Variants in MRTO4 observed in about 807,000 individuals in gnomAD.
The protein encoded by MRTO4 is mRNA turnover protein 4 homolog.
In MRTO4, 7 loss-of-function variants were observed where a neutral mutation model predicts 28.6. The observed-to-expected ratio is 0.24, with a 90% CI of 0.14 to 0.46. The LOEUF (loss-of-function observed/expected upper bound fraction) is 0.46, where lower values mean the gene tolerates loss of function less well. Ranked by LOEUF, MRTO4 falls within the 20% of genes least tolerant of loss-of-function variation. The pLI, the probability that MRTO4 is intolerant of heterozygous loss-of-function variation, is 0.99. For synonymous variants in MRTO4, 113 were observed against 108.2 expected (o/e 1.04, Z -0.27); for missense variants, 302 against 298.3 (o/e 1.01, Z -0.09).
Position 19,251,812 on chromosome 1 carries a change from T to G in MRTO4, c.-24T>G, listed in dbSNP as rs1224073824. The G allele has an allele frequency of 1.3e-6, 2 of 1,565,616 alleles. No individual in the cohort carries two copies. The highest frequency in any genetic ancestry group is 1.2e-5 in the South Asian group (1 of 85,182). On this transcript the variant is annotated 5_prime_UTR_variant, in exon 1 of 8. Coordinates refer to ENST00000330263, the MANE Select transcript of MRTO4 (RefSeq NM_016183.4). ...GGGGTCCTAACGGGGTGCACCGTCT[T>G]CCGCCGCACGTGGATTCAGCGCGAT...
chr1:19,257,436 C>A lies in MRTO4; in HGVS notation c.274-18C>A. 1 of 1,614,104 alleles carries A rather than the reference C, an allele frequency of 6.2e-7. No homozygotes were observed. Among genetic ancestry groups the A allele is most frequent in the Non-Finnish European group, 8.5e-7 (1 of 1,179,938 alleles). On this transcript the variant is annotated intron_variant, in intron 4 of 7. Transcript: ENST00000330263. Reference sequence around the variant, plus strand: ...ACTGCTCTAATGTGACCAAGCTGTCCTCACTCCTGATTTGTAGGTCAGCAA... The same window carrying A: ...ACTGCTCTAATGTGACCAAGCTGTCATCACTCCTGATTTGTAGGTCAGCAA...
Position 19,257,445 on chromosome 1 carries a change from G to C in MRTO4, c.274-9G>C. 1.9e-6 allele frequency: 3 copies of C among 1,614,196 alleles called. No individual in the cohort carries two copies. The highest frequency in any genetic ancestry group is 2.5e-6 in the Non-Finnish European group (3 of 1,180,012). On this transcript the variant is annotated splice_polypyrimidine_tract_variant and intron_variant, in intron 4 of 7. Transcript: ENST00000330263. ...ATGTGACCAAGCTGTCCTCACTCCT[G>C]ATTTGTAGGTCAGCAAAAGGTTGAG...
In MRTO4 at chr1:19,255,940, T is replaced by C; in HGVS notation, c.88-8T>C. 1.2e-6 allele frequency: 2 copies of C among 1,613,050 alleles called. No individual in the cohort carries two copies. Among genetic ancestry groups the C allele is most frequent in the African/African-American group, 2.7e-5 (2 of 74,980 alleles). ...CTTGAACTCAGAGCCTCGTGAATTG[T>C]CCCACAGCTTCGGAAATGTGTGGAC... On this transcript the variant is annotated splice_polypyrimidine_tract_variant and splice_region_variant and intron_variant, in intron 2 of 7. Coordinates refer to ENST00000330263, the MANE Select transcript of MRTO4 (RefSeq NM_016183.4).
At chr1:19,257,294 C>T in intron 4 of MRTO4, 149 bp downstream of exon 4, 1 of 1,200,400 alleles carries the variant, frequency 8.3e-7, no homozygotes, top group South Asian at 1.3e-5. Flanking sequence ...CCCTTCACCT[C>T]CGGACCCAAG....
chr1:19,257,711 G>C, intron 5 of MRTO4, 122 bp from the exon 6 acceptor site: 2 of 1,431,108 alleles, frequency 1.4e-6, no homozygotes, highest in Non-Finnish European at 1.9e-6. Context: ...CTGGCTGCTG[G>C]CCAGCAGCCA....
chr1:19,256,658 G>C (rs1036048810), intron 3 of MRTO4, among the ~76,000 whole-genome samples: 1 of 152,204 alleles, frequency 6.6e-6, no homozygotes, highest in Non-Finnish European at 1.5e-5. Context: ...GTTTTAGAAT[G>C]TCAGTAGGGA....
Position 19,256,493 on chromosome 1 carries a change from G to A in MRTO4, c.191+442G>A, listed in dbSNP as rs187238859. Among the ~76,000 whole-genome samples the A allele has an allele frequency of 3.4e-3, 493 of 145,232 alleles. 3 individuals are homozygous for A. Among genetic ancestry groups the A allele is most frequent in the African/African-American group, 0.011 (388 of 35,670 alleles). On this transcript the variant is annotated intron_variant, in intron 3 of 7. Coordinates refer to ENST00000330263, the MANE Select transcript of MRTO4 (RefSeq NM_016183.4). ...ATTGCACCATCGCACTCCAGCCTGG[G>A]TGACAGAGTGAAACTCCACCTCAAA...
Position 19,259,615 on chromosome 1 carries a change from G to A in MRTO4, c.*785G>A, listed in dbSNP as rs2093677355. The A allele has an allele frequency of 6.6e-6, 1 of 152,290 alleles. No homozygotes were observed. Among genetic ancestry groups the A allele is most frequent in the Admixed American group, 6.5e-5 (1 of 15,284 alleles). The allele number at this position is 152,290 out of a possible 1,614,324, so 9.4% of individuals were successfully genotyped here. On this transcript the variant is annotated 3_prime_UTR_variant, in exon 8 of 8. Coordinates refer to ENST00000330263, the MANE Select transcript of MRTO4 (RefSeq NM_016183.4). ...CCTTGTCAGCCAACTTCCACTGGCT[G>A]CCTTGGCACTGCCATGACAGCACAG...
At chr1:19,252,609 G>A (rs2093663824) in intron 1 of MRTO4, among the ~76,000 whole-genome samples, 1 of 151,926 alleles carries the variant, frequency 6.6e-6, no homozygotes, top group South Asian at 2.1e-4. Context: ...TGAGGCGGGA[G>A]AATCGCTTGA....
In MRTO4 at chr1:19,257,004, C is replaced by T; in HGVS notation, c.192-60C>T. 1.9e-6 allele frequency: 3 copies of T among 1,549,398 alleles called. No homozygotes were observed. The Admixed American group carries it at 5.1e-5, about 26-fold the overall frequency. ...GGGACCGGAGCTACTTTGCATGTTG[C>T]TGAGGGATGGGGAGGGCAGGGCTCT... is the stretch of plus-strand genomic sequence containing the variant. On this transcript the variant is annotated intron_variant, in intron 3 of 7. Coordinates refer to ENST00000330263, the MANE Select transcript of MRTO4 (RefSeq NM_016183.4).
intron 5 of MRTO4, 139 bp from the exon 6 acceptor site, chr1:19,257,694 C>A: frequency 7.3e-7 from 1 of 1,373,378 alleles, no homozygotes. Context: ...CAGCATGGTG[C>A]TCTGGGCTGG....
At chr1:19,257,557 GT>G in intron 5 of MRTO4, 36 bp downstream of exon 5, 1 of 1,610,666 alleles carries the variant, frequency 6.2e-7, no homozygotes, top group Non-Finnish European at 8.5e-7. Context: ...AAAGAGGCGG[GT>G]GAGAGGGGAT....
intron 2 of MRTO4, among the ~76,000 whole-genome samples, chr1:19,255,427 A>C (rs1569596572): frequency 6.7e-6 from 1 of 148,336 alleles, no homozygotes; most frequent in East Asian, 2.0e-4. Flanking sequence ...AAGAGCTGGG[A>C]GATTTACCAG....
intron 1 of MRTO4, among the ~76,000 whole-genome samples, chr1:19,253,150 G>A (rs1569592574): frequency 1.3e-5 from 2 of 152,224 alleles, no homozygotes; most frequent in Admixed American, 1.3e-4. Context: ...GATTGAAAAT[G>A]GGGTGAAGAG....
chr1:19,257,224 C>T, intron 4 of MRTO4, 79 bp downstream of exon 4: 1 of 1,471,716 alleles, frequency 6.8e-7, no homozygotes, highest in Admixed American at 1.8e-5. Context: ...CAGCCTCCCC[C>T]AGCCATTGGC....
intron 3 of MRTO4, among the ~76,000 whole-genome samples, 153 bp from the exon 4 acceptor site, chr1:19,256,908 CGTG>C (rs1376598263): frequency 2.0e-5 from 3 of 152,142 alleles, no homozygotes; most frequent in Non-Finnish European, 4.4e-5. Context: ...GGGACCCCAA[CGTG>C]GGGACAGTGT....
intron 5 of MRTO4, 31 bp from the exon 6 acceptor site, chr1:19,257,802 A>G (rs377724711): frequency 6.2e-7 from 1 of 1,608,358 alleles, no homozygotes; most frequent in African/African-American, 1.3e-5. Flanking sequence ...GGCCAGGAGC[A>G]TCTCCTCCTA....
chr1:19,252,005 G>GA, intron 1 of MRTO4, 142 bp downstream of exon 1: 1 of 1,239,152 alleles, frequency 8.1e-7, no homozygotes, highest in Non-Finnish European at 1.1e-6. Flanking sequence ...CTGCGAGCTG[G>GA]AATGGGGGCT....
In MRTO4 at chr1:19,258,735, G is replaced by A. The variant is rs1017132707; in HGVS notation, c.625G>A (p.Asp209Asn). The change falls in exon 8 of 8, where the codon GAT becomes AAT. Residue 209 changes from aspartate to asparagine, a missense_variant. Coordinates refer to ENST00000330263, the MANE Select transcript of MRTO4 (RefSeq NM_016183.4). ...CAAGGTGACCATCAAATACATGTGG[G>A]ATTCACAGTCGGGAAGGTTCCAGCA... ...EFKVTIKYMW[D>N]SQSGRFQQMG... 6.2e-7 allele frequency: 1 copy of A among 1,614,212 alleles called. No individual in the cohort carries two copies. The highest frequency in any genetic ancestry group is 1.6e-4 in the Middle Eastern group (1 of 6,062).
Sources: allele counts gnomAD v4.1 joint callset (sites outside exome capture counted in the v4.1 genomes callset), GRCh38; gene constraint gnomAD v4.1.1; transcripts MANE v1.5; gene names NCBI Gene and HGNC (gene_info 2026-07-23, HGNC 2026-07-21).